The following NCK1 variants were observed in gnomAD, a reference collection of about 807,000 sequenced individuals.
The protein encoded by NCK1 is NCK adaptor protein 1.
NCK1 carries 19 observed loss-of-function variants against 36.6 expected under a neutral mutation model. The ratio of observed to expected loss-of-function variants is 0.52; its 90% CI spans 0.36 to 0.76. The LOEUF is 0.76. Ranked by LOEUF, NCK1 falls within the 30% of genes least tolerant of loss-of-function variation. The pLI, the probability that NCK1 is intolerant of heterozygous loss-of-function variation, is 0.00. For missense variants in NCK1, 358 were observed against 445.6 expected (o/e 0.80, Z 1.77); for synonymous variants, 165 against 156.0 (o/e 1.06, Z -0.43).
intron 1 of NCK1, among the ~76,000 whole-genome samples, chr3:136,877,322 A>G (rs1326764240): frequency 1.3e-5 from 2 of 152,204 alleles, no homozygotes; most frequent in Non-Finnish European, 2.9e-5. Context: ...TAAGCAAGAA[A>G]TGGATTACCA....
chr3:136,912,339 T>C (rs1939849009), intron 1 of NCK1, among the ~76,000 whole-genome samples: 1 of 151,936 alleles, frequency 6.6e-6, no homozygotes, highest in Admixed American at 6.6e-5. Flanking sequence ...ATTTTTGTGT[T>C]TTTAGTAGAG....
intron 2 of NCK1, chr3:136,928,693 G>A (rs903449202): frequency 3.9e-5 from 6 of 153,846 alleles, no homozygotes; most frequent in African/African-American, 1.4e-4. Context: ...AGCACCTACA[G>A]AGCTCTTTTC....
In NCK1 at chr3:136,867,116, CTTTGTTTCT is replaced by C. The variant is rs1560028525; in HGVS notation, c.-19+4766_-19+4774del. Among the ~76,000 whole-genome samples the C allele has an allele frequency of 4.9e-3, 140 of 28,362 alleles. 10 individuals are homozygous for C. The highest frequency in any genetic ancestry group is 8.0e-3 in the African/African-American group (63 of 7,900). The allele number at this position is 28,362 out of a possible 152,430, so 18.6% of individuals were successfully genotyped here. A position where few individuals can be genotyped will look rare whatever the true frequency, so the allele number is the denominator to read the frequency against. On this transcript the variant is annotated intron_variant, in intron 1 of 3. Coordinates refer to ENST00000481752, the MANE Select transcript of NCK1 (RefSeq NM_001291999.2). Reference sequence around the variant, plus strand: ...TCTTTCTTTCTTTCTTTCTTTCTTTCTTTGTTTCTTTCTTTCCTTCCTTCCTTCCTTCCT... The same window carrying C: ...TCTTTCTTTCTTTCTTTCTTTCTTTCTTCTTTCCTTCCTTCCTTCCTTCCT...
At chr3:136,864,512 CA>C (rs1306670477) in intron 1 of NCK1, among the ~76,000 whole-genome samples, 1 of 149,964 alleles carries the variant, frequency 6.7e-6, no homozygotes, top group African/African-American at 2.5e-5. Flanking sequence ...AAAACAGAAA[CA>C]AAAAAAACCT....
At chr3:136,909,107 C>A (rs1939768963) in intron 1 of NCK1, among the ~76,000 whole-genome samples, 1 of 152,160 alleles carries the variant, frequency 6.6e-6, no homozygotes, top group African/African-American at 2.4e-5. Flanking sequence ...AACTTCCCAC[C>A]CTTCAGAACT....
At chr3:136,869,337 A>G (rs903834006) in intron 1 of NCK1, among the ~76,000 whole-genome samples, 1 of 152,222 alleles carries the variant, frequency 6.6e-6, no homozygotes, top group Admixed American at 6.5e-5. Flanking sequence ...ACTTGATCCC[A>G]GGAGTTCGAG....
chr3:136,950,426 G>A lies in NCK1; in HGVS notation c.*1973G>A, dbSNP rs1236243820. On this transcript the variant is annotated 3_prime_UTR_variant, in exon 4 of 4. Transcript: ENST00000481752. ...TTTCTGTTCCATAATTAGGTTTATT[G>A]TAGCTATAGCGCTCCCAGATAACCC... Among the ~76,000 whole-genome samples the A allele has an allele frequency of 6.6e-6, 1 of 152,074 alleles. No homozygotes were observed.
chr3:136,934,230 T>C (rs1261553485), intron 2 of NCK1, among the ~76,000 whole-genome samples: 2 of 151,878 alleles, frequency 1.3e-5, no homozygotes, highest in Non-Finnish European at 2.9e-5. Flanking sequence ...GGGGTACATG[T>C]GAAGGTTTGT....
intron 1 of NCK1, among the ~76,000 whole-genome samples, chr3:136,870,806 T>G (rs1276750444): frequency 2.0e-5 from 3 of 152,108 alleles, no homozygotes; most frequent in Non-Finnish European, 4.4e-5. Context: ...CTTAGCCCTT[T>G]TTTGCTTTGG....
intron 1 of NCK1, among the ~76,000 whole-genome samples, chr3:136,879,481 G>A (rs1463754866): frequency 6.6e-6 from 1 of 152,126 alleles, no homozygotes; most frequent in Non-Finnish European, 1.5e-5. Flanking sequence ...AAAATAAAGA[G>A]TTGTTTAGCC....
chr3:136,884,867 C>G (rs1203451386), intron 1 of NCK1, among the ~76,000 whole-genome samples: 1 of 151,584 alleles, frequency 6.6e-6, no homozygotes, highest in Non-Finnish European at 1.5e-5. Flanking sequence ...ATTACAGGCA[C>G]CTGCCACCAC....
chr3:136,913,108 C>G (rs537545653), intron 1 of NCK1, among the ~76,000 whole-genome samples: 4 of 152,024 alleles, frequency 2.6e-5, no homozygotes, highest in African/African-American at 9.7e-5. Context: ...TCTGATCTTT[C>G]TCTGGGAAGG....
chr3:136,940,630 C>T (rs1230311659), intron 2 of NCK1, among the ~76,000 whole-genome samples: 3 of 151,696 alleles, frequency 2.0e-5, no homozygotes, highest in East Asian at 1.9e-4. Flanking sequence ...CTGCAACCTC[C>T]GCCTCCCAGG....
At chr3:136,880,634 T>G (rs1376881540) in intron 1 of NCK1, among the ~76,000 whole-genome samples, 2 of 152,268 alleles carry the variant, frequency 1.3e-5, no homozygotes, top group East Asian at 3.9e-4. Flanking sequence ...AAACTTTGTT[T>G]GTTTGTTTTT....
chr3:136,921,764 C>T (rs1034670721), intron 1 of NCK1, among the ~76,000 whole-genome samples: 1 of 152,088 alleles, frequency 6.6e-6, no homozygotes, highest in African/African-American at 2.4e-5. Flanking sequence ...GGGAAAGACA[C>T]TGCTAAGGGA....
chr3:136,935,131 C>G (rs1940496990), intron 2 of NCK1, among the ~76,000 whole-genome samples: 1 of 152,128 alleles, frequency 6.6e-6, no homozygotes, highest in African/African-American at 2.4e-5. Context: ...GAACTCCTGG[C>G]CTCAGGTGAT....
At chr3:136,864,096 G>A (rs976264415) in intron 1 of NCK1, among the ~76,000 whole-genome samples, 5 of 150,686 alleles carry the variant, frequency 3.3e-5, no homozygotes, top group Non-Finnish European at 5.9e-5. Context: ...GCGAGACTCC[G>A]TCTCAAAAAA....
intron 1 of NCK1, among the ~76,000 whole-genome samples, chr3:136,905,004 T>G (rs1217474808): frequency 7.0e-6 from 1 of 143,662 alleles, no homozygotes; most frequent in Non-Finnish European, 1.6e-5. Context: ...TGTTTGGTTT[T>G]TCCTTTTTTT....
chr3:136,882,185 T>G (rs1938960066), intron 1 of NCK1, among the ~76,000 whole-genome samples: 2 of 151,906 alleles, frequency 1.3e-5, no homozygotes, highest in Admixed American at 1.3e-4. Context: ...CACTAACACT[T>G]GTTTCCTGCA....
Sources: gnomAD v4.1 joint callset for allele counts (sites outside exome capture counted in the v4.1 genomes callset) on GRCh38, gnomAD v4.1.1 for gene constraint, MANE v1.5 for transcripts, NCBI Gene and HGNC (gene_info 2026-07-23, HGNC 2026-07-21) for gene names.